ANKRD11: variants seen among roughly 807,000 people sequenced by gnomAD.
ANKRD11 encodes ankyrin repeat domain 11.
A neutral mutation model predicts 195.7 loss-of-function variants in ANKRD11; 17 were observed. The observed-to-expected ratio is 0.09, with a 90% CI of 0.06 to 0.13. The LOEUF (loss-of-function observed/expected upper bound fraction) is 0.13, where lower values mean the gene tolerates loss of function less well. Among genes scored for constraint, ANKRD11 ranks in the 10% least tolerant of loss-of-function variants. The pLI is 1.00. For synonymous variants in ANKRD11, 1,953 were observed against 1,528.1 expected, an observed-to-expected ratio of 1.28 and a Z score of -6.49; for missense variants, 3,735 against 3,566.1, an observed-to-expected ratio of 1.05 and a Z score of -1.21.
In ANKRD11 at chr16:89,282,098, C is replaced by T. The variant is rs973573531; in HGVS notation, c.4444G>A (p.Asp1482Asn). 6.2e-7 allele frequency: 1 copy of T among 1,614,004 alleles called. No individual in the cohort carries two copies. The highest frequency in any genetic ancestry group is 1.7e-5 in the Admixed American group (1 of 60,016). The change falls in exon 9 of 13, where the codon GAT (aspartate) becomes AAT (asparagine). Residue 1482 changes from aspartate (D) to asparagine (N), a missense_variant. By Grantham distance (23) the Asp-to-Asn change is conservative. Coordinates refer to ENST00000301030, the MANE Select transcript of ANKRD11 (RefSeq NM_013275.6). ...EKERHRDRHA[D>N]GLLRHHRDEL... ...TCCCTGTGATGCCGCAGCAGCCCAT[C>T]CGCATGCCTGTCCCGGTGCCTCTCC... is the stretch of plus-strand genomic sequence containing the variant.
intron 1 of ANKRD11, among the ~76,000 whole-genome samples, chr16:89,470,031 G>C (rs987430743): frequency 2.7e-5 from 4 of 149,212 alleles, no homozygotes; most frequent in South Asian, 2.1e-4. Context: ...TCAGCCTCTC[G>C]AGTAGCTGGG....
At chr16:89,369,221 G>C (rs1218929370) in intron 2 of ANKRD11, among the ~76,000 whole-genome samples, 4 of 151,984 alleles carry the variant, frequency 2.6e-5, no homozygotes, top group Non-Finnish European at 4.4e-5. Flanking sequence ...CAAAGGGCTG[G>C]TCTCCAAACA....
In ANKRD11 at chr16:89,280,037, C is replaced by A; in HGVS notation, c.6505G>T (p.Gly2169Trp). The change falls in exon 9 of 13, where the codon GGG becomes TGG. Residue 2169 changes from glycine to tryptophan, a missense_variant. By Grantham distance (184) the Gly-to-Trp change is radical (BLOSUM62 -2). Coordinates refer to ENST00000301030, the MANE Select transcript of ANKRD11 (RefSeq NM_013275.6). ...CCACCGTTTATGACCCCGGGGGCCCCTGGAGGCATCTCTTCTGGAGGAGCA... is the reference window on the plus strand; with the variant it reads ...CCACCGTTTATGACCCCGGGGGCCCATGGAGGCATCTCTTCTGGAGGAGCA... Reference protein sequence around the residue: ...SLAPPEEMPPGAPGVINGGDV... With the variant: ...SLAPPEEMPPWAPGVINGGDV... 1.2e-6 allele frequency: 2 copies of A among 1,612,878 alleles called. No homozygotes were observed. Among genetic ancestry groups the A allele is most frequent in the South Asian group, 1.1e-5 (1 of 91,086 alleles).
Position 89,352,211 on chromosome 16 carries a change from TGA to T in ANKRD11, c.-59-35135_-59-35134del, listed in dbSNP as rs201310436. Among the ~76,000 whole-genome samples the T allele has an allele frequency of 4.5e-3, 677 of 152,114 alleles. 6 individuals carry two copies. Among genetic ancestry groups the T allele is most frequent in the African/African-American group, 0.015 (623 of 41,480 alleles). On this transcript the variant is annotated intron_variant, in intron 2 of 12. Coordinates refer to ENST00000301030, the MANE Select transcript of ANKRD11 (RefSeq NM_013275.6). ...GGCCGATTATCTTCTTTGAAAAGCA[TGA>T]GACACGTTTCCCTAGGGATGGAATG...
chr16:89,284,327 A>G lies in ANKRD11; in HGVS notation c.2215T>C (p.Ser739Pro). The change falls in exon 9 of 13, where the codon TCG (serine) becomes CCG (proline). Residue 739 changes from serine (S) to proline (P), a missense_variant. By Grantham distance (74) the Ser-to-Pro change is moderately conservative. Transcript: ENST00000301030. Reference protein sequence around the residue: ...SRSFREEKDRSNKAEKERSLK... With the variant: ...SRSFREEKDRPNKAEKERSLK... ...GATCTCTCCTTTTCTGCTTTATTCG[A>G]ACGGTCTTTCTCTTCTCGGAAAGAC... is the stretch of plus-strand genomic sequence containing the variant. The G allele has an allele frequency of 6.2e-7, 1 of 1,613,692 alleles. No homozygotes were observed. The highest frequency in any genetic ancestry group is 1.1e-5 in the South Asian group (1 of 91,048).
chr16:89,395,247 C>T (rs904576352), intron 2 of ANKRD11, among the ~76,000 whole-genome samples: 2 of 152,224 alleles, frequency 1.3e-5, no homozygotes, highest in African/African-American at 4.8e-5. Context: ...AGTAAACTGG[C>T]TGAGCCCCAG....
chr16:89,281,792 C>T lies in ANKRD11; in HGVS notation c.4750G>A (p.Glu1584Lys). Reference protein sequence around the residue: ...GDGDLMMTSFERMLSQKDLEI... With the variant: ...GDGDLMMTSFKRMLSQKDLEI... Reference sequence around the variant, plus strand: ...AGGTCCTTCTGGGACAGCATCCTCTCGAAGCTGGTCATCATCAGGTCGCCG... The same window carrying T: ...AGGTCCTTCTGGGACAGCATCCTCTTGAAGCTGGTCATCATCAGGTCGCCG... Residue 1584 changes from glutamate (E) to lysine (K), a missense_variant, in exon 9 of 13, where the codon GAG (glutamate) becomes AAG (lysine). Transcript: ENST00000301030. The surrounding 1 kb of genome is among the most constrained non-coding windows in gnomAD (Gnocchi z 5.5). 1.2e-6 allele frequency: 2 copies of T among 1,614,070 alleles called. No homozygotes were observed. The highest frequency in any genetic ancestry group is 1.7e-6 in the Non-Finnish European group (2 of 1,180,030).
chr16:89,470,292 T>C (rs1009087537), intron 1 of ANKRD11, among the ~76,000 whole-genome samples: 1 of 152,108 alleles, frequency 6.6e-6, no homozygotes, highest in Non-Finnish European at 1.5e-5. Flanking sequence ...AGCTTATCAC[T>C]AAGATTCAAA....
intron 2 of ANKRD11, among the ~76,000 whole-genome samples, chr16:89,363,969 A>C (rs960998587): frequency 1.3e-5 from 2 of 152,154 alleles, no homozygotes; most frequent in African/African-American, 4.8e-5. Context: ...CCTGAGCAGG[A>C]GGACAGCTTG....
chr16:89,455,320 T>G (rs1356306061), intron 1 of ANKRD11, among the ~76,000 whole-genome samples: 1 of 151,798 alleles, frequency 6.6e-6, no homozygotes, highest in Non-Finnish European at 1.5e-5. Context: ...GCTTCTAGGG[T>G]TCCTCAAGCT....
chr16:89,453,839 G>C (rs945720840), intron 1 of ANKRD11, among the ~76,000 whole-genome samples: 1 of 152,130 alleles, frequency 6.6e-6, no homozygotes, highest in Non-Finnish European at 1.5e-5. Flanking sequence ...TTCGAGGCAG[G>C]ACTCTGGAGC....
intron 1 of ANKRD11, among the ~76,000 whole-genome samples, chr16:89,482,145 C>A (rs2057465360): frequency 2.0e-5 from 3 of 152,156 alleles, no homozygotes; most frequent in Non-Finnish European, 4.4e-5. Context: ...TCAGAAAAAG[C>A]AGAGTTTGTC....
At chr16:89,485,339 A>AG (rs2057575609) in intron 1 of ANKRD11, among the ~76,000 whole-genome samples, 1 of 151,820 alleles carries the variant, frequency 6.6e-6, no homozygotes, top group African/African-American at 2.4e-5. Context: ...AAAAAAAAAA[A>AG]AAACACTAAC....
At chr16:89,341,457 C>T (rs2038655186) in intron 2 of ANKRD11, among the ~76,000 whole-genome samples, 1 of 152,214 alleles carries the variant, frequency 6.6e-6, no homozygotes, top group Non-Finnish European at 1.5e-5. Context: ...CCAGAAGGTT[C>T]CAGAAGGCCT....
intron 2 of ANKRD11, among the ~76,000 whole-genome samples, chr16:89,386,647 T>G (rs868442134): frequency 9.2e-5 from 14 of 152,196 alleles, no homozygotes; most frequent in Admixed American, 7.2e-4. Context: ...AAATCTCTTC[T>G]CGTCCAGGAA....
intron 2 of ANKRD11, among the ~76,000 whole-genome samples, chr16:89,394,211 C>T (rs1012568465): frequency 6.6e-6 from 1 of 152,154 alleles, no homozygotes; most frequent in African/African-American, 2.4e-5. Context: ...CTTCCCTCCA[C>T]GACATGGGCA....
At chr16:89,393,775 G>C (rs928450453) in intron 2 of ANKRD11, among the ~76,000 whole-genome samples, 2 of 152,122 alleles carry the variant, frequency 1.3e-5, no homozygotes. Flanking sequence ...CTGGAATCTG[G>C]CAGAGCTCTG....
At chr16:89,377,488 TG>T (rs1284481671) in intron 2 of ANKRD11, among the ~76,000 whole-genome samples, 3 of 92,662 alleles carry the variant, frequency 3.2e-5, no homozygotes, top group Non-Finnish European at 6.7e-5. Flanking sequence ...GCAGGAGGGC[TG>T]GGGGGCGGGG....
intron 3 of ANKRD11, among the ~76,000 whole-genome samples, chr16:89,314,203 G>C (rs190816141): frequency 2.8e-4 from 43 of 152,178 alleles, no homozygotes; most frequent in Admixed American, 2.7e-3. Context: ...GCAGTGAGCT[G>C]AGACTCTACC....
Sources: allele counts gnomAD v4.1 joint callset (sites outside exome capture counted in the v4.1 genomes callset), GRCh38; gene constraint gnomAD v4.1.1; non-coding constraint Gnocchi (gnomAD v3.1); transcripts MANE v1.5; gene names NCBI Gene and HGNC (gene_info 2026-07-23, HGNC 2026-07-21).